Variants in DYNLRB1 observed in about 807,000 individuals in gnomAD.
The protein encoded by DYNLRB1 is ROBL/LC7-like 1.
DYNLRB1 carries 6 observed loss-of-function variants against 13.5 expected under a neutral mutation model. That is an observed-to-expected ratio of 0.44 (90% CI 0.24 to 0.88). DYNLRB1 has a LOEUF of 0.88. Among genes scored for constraint, DYNLRB1 ranks in the 40% least tolerant of loss-of-function variants. DYNLRB1 has a pLI of 0.21. For missense variants in DYNLRB1, 93 were observed against 127.2 expected (o/e 0.73, Z 1.29); for synonymous variants, 43 against 45.0 (o/e 0.96, Z 0.18).
chr20:34,516,529 G>A (rs942073957), intron 1 of DYNLRB1, 68 bp downstream of exon 1: 13 of 1,600,932 alleles, frequency 8.1e-6, no homozygotes, highest in Non-Finnish European at 1.7e-6. Context: ...TCAGTCTTCC[G>A]AGGATGAGGG....
intron 1 of DYNLRB1, among the ~76,000 whole-genome samples, chr20:34,522,463 C>CTTTTACTTTTTTTTTTTT (rs1568598377): frequency 9.9e-6 from 1 of 101,270 alleles, no homozygotes; most frequent in African/African-American, 3.8e-5. Context: ...TTTCTTTTTT[C>CTTTTACTTTTTTTTTTTT]TTTTTCTTTT....
intron 1 of DYNLRB1, among the ~76,000 whole-genome samples, chr20:34,519,174 C>T (rs575823168): frequency 1.9e-4 from 29 of 152,008 alleles, no homozygotes; most frequent in Non-Finnish European, 3.1e-4. Flanking sequence ...CGCCCACCTC[C>T]GCCTCCAAAA....
chr20:34,525,466 A>G (rs2146626702), intron 1 of DYNLRB1, among the ~76,000 whole-genome samples: 1 of 152,318 alleles, frequency 6.6e-6, no homozygotes, highest in South Asian at 2.1e-4. Flanking sequence ...ACACGTAGGC[A>G]GACTCCATCA....
chr20:34,528,287 GGGC>G (rs1980396898), intron 2 of DYNLRB1, among the ~76,000 whole-genome samples: 1 of 32,360 alleles, frequency 3.1e-5, no homozygotes, highest in Non-Finnish European at 6.4e-5. Context: ...ACTCCAGCCT[GGGC>G]GACAGAGCGA....
At chr20:34,535,263 A>G (rs1268958164) in intron 3 of DYNLRB1, 7 of 985,236 alleles carry the variant, frequency 7.1e-6, no homozygotes, top group Non-Finnish European at 8.4e-6. Context: ...AAGCAAAAGT[A>G]CTGTATCATT....
intron 3 of DYNLRB1, among the ~76,000 whole-genome samples, chr20:34,538,767 C>T (rs1402214062): frequency 6.6e-6 from 1 of 152,214 alleles, no homozygotes; most frequent in Non-Finnish European, 1.5e-5. Context: ...AAGAACCAAG[C>T]TTTAGGCTTG....
At chr20:34,523,265 G>GT (rs1979909475) in intron 1 of DYNLRB1, among the ~76,000 whole-genome samples, 1 of 152,180 alleles carries the variant, frequency 6.6e-6, no homozygotes, top group Non-Finnish European at 1.5e-5. Context: ...GGCTTCCGCA[G>GT]GCTGTGTTCG....
chr20:34,534,852 G>A, intron 3 of DYNLRB1, 57 bp downstream of exon 3: 1 of 1,611,788 alleles, frequency 6.2e-7, no homozygotes, highest in Non-Finnish European at 8.5e-7. Context: ...ATTCTCTGTG[G>A]CTCATCAGGA....
intron 1 of DYNLRB1, among the ~76,000 whole-genome samples, chr20:34,517,040 G>T (rs1322396756): frequency 1.3e-5 from 2 of 152,042 alleles, no homozygotes; most frequent in East Asian, 1.9e-4. Context: ...GGGACTGGGT[G>T]CCAGAGTCAG....
At chr20:34,526,771 T>C (rs1041193792) in intron 2 of DYNLRB1, among the ~76,000 whole-genome samples, 4 of 152,220 alleles carry the variant, frequency 2.6e-5, no homozygotes, top group African/African-American at 2.4e-5. Context: ...TTTTAAAATA[T>C]TGCTTCATGG....
At chr20:34,534,866 C>A in intron 3 of DYNLRB1, 71 bp downstream of exon 3, 1 of 1,608,260 alleles carries the variant, frequency 6.2e-7, no homozygotes, top group South Asian at 1.1e-5. Flanking sequence ...ATCAGGAGTC[C>A]TGGCACAGTG....
intron 1 of DYNLRB1, among the ~76,000 whole-genome samples, chr20:34,523,515 G>T (rs1979930113): frequency 6.6e-6 from 1 of 152,062 alleles, no homozygotes; most frequent in African/African-American, 2.4e-5. Context: ...GAACATACCG[G>T]ATGCTTGCCC....
At chr20:34,534,250 C>T (rs147189763) in intron 2 of DYNLRB1, among the ~76,000 whole-genome samples, 1 of 152,302 alleles carries the variant, frequency 6.6e-6, no homozygotes, top group East Asian at 1.9e-4. Context: ...AAATCTGTGT[C>T]CCTGCATGAA....
intron 2 of DYNLRB1, among the ~76,000 whole-genome samples, chr20:34,527,940 A>G (rs1305027504): frequency 6.6e-6 from 1 of 152,216 alleles, no homozygotes; most frequent in Non-Finnish European, 1.5e-5. Context: ...GTCAGAGCAC[A>G]CACACTAAGA....
intron 2 of DYNLRB1, among the ~76,000 whole-genome samples, chr20:34,527,429 G>T (rs552446665): frequency 1.3e-5 from 2 of 152,334 alleles, no homozygotes; most frequent in South Asian, 2.1e-4. Context: ...AAAGCATTTA[G>T]TACAGTATCG....
At chr20:34,516,641 C>T (rs1158238828) in intron 1 of DYNLRB1, 180 bp downstream of exon 1, 2 of 1,488,922 alleles carry the variant, frequency 1.3e-6, no homozygotes, top group Non-Finnish European at 8.9e-7. Flanking sequence ...GCCTCTAAAG[C>T]CTGACCGAGG....
intron 3 of DYNLRB1, 179 bp downstream of exon 3, chr20:34,534,974 C>A: frequency 6.8e-7 from 1 of 1,460,854 alleles, no homozygotes; most frequent in Non-Finnish European, 9.0e-7. Context: ...CATAGCAGAT[C>A]CTCCCAGGGA....
At chr20:34,528,420 A>G (rs1980431762) in intron 2 of DYNLRB1, among the ~76,000 whole-genome samples, 1 of 151,664 alleles carries the variant, frequency 6.6e-6, no homozygotes, top group Non-Finnish European at 1.5e-5. Context: ...CCACTGAGAC[A>G]CTGCTGCTGA....
At chr20:34,523,041 T>C (rs1122174) in intron 1 of DYNLRB1, among the ~76,000 whole-genome samples, 127,961 of 152,188 alleles carry the variant, frequency 0.84, 54,040 homozygotes, top group Admixed American at 0.89. Context: ...GAGGAGGAGA[T>C]GAACGTGACC....
Sources: allele counts gnomAD v4.1 joint callset (sites outside exome capture counted in the v4.1 genomes callset), GRCh38; gene constraint gnomAD v4.1.1; transcripts MANE v1.5; gene names NCBI Gene and HGNC (gene_info 2026-07-23, HGNC 2026-07-21).